The following RFX2 variants were observed in gnomAD, a reference collection of about 807,000 sequenced individuals.
The protein encoded by RFX2 is regulatory factor X2.
Under a neutral mutation model 87.8 loss-of-function variants are expected in RFX2, and 20 were observed. The ratio of observed to expected loss-of-function variants is 0.23; its 90% CI spans 0.16 to 0.33. RFX2 has a LOEUF of 0.33. Ranked by LOEUF, RFX2 falls within the 10% of genes least tolerant of loss-of-function variation. The probability of loss-of-function intolerance (pLI) is 1.00; values close to 1 mark genes in which losing one functional copy is unlikely to be tolerated. For synonymous variants in RFX2, 397 were observed against 431.3 expected (o/e 0.92, Z 0.98); for missense variants, 767 against 1,012.3 (o/e 0.76, Z 3.29).
chr19:6,072,263 T>C (rs930281066), intron 1 of RFX2: 2 of 152,318 alleles, frequency 1.3e-5, no homozygotes, highest in Admixed American at 1.3e-4. Context: ...AATTGCCACC[T>C]TTCAGACCTT....
Position 6,021,653 on chromosome 19 carries a change from G to A in RFX2, c.597+4510C>T, listed in dbSNP as rs2086812117. 6.6e-6 allele frequency among the ~76,000 whole-genome samples: 1 copy of A among 152,258 alleles called. No individual in the cohort carries two copies. Among genetic ancestry groups the A allele is most frequent in the Non-Finnish European group, 1.5e-5 (1 of 68,044 alleles). Reference sequence around the variant, plus strand: ...GCCCTGGGGCAGGTCCGAGCCTGGTGCATTGGAGGAATAGCGAGGAGGCCC... The same window carrying A: ...GCCCTGGGGCAGGTCCGAGCCTGGTACATTGGAGGAATAGCGAGGAGGCCC... On this transcript the variant is annotated intron_variant, in intron 6 of 17. Transcript: ENST00000303657. This position sits in a 1 kb window ranked among gnomAD's most constrained non-coding sequence, Gnocchi z 5.7.
At chr19:6,073,954 T>A (rs1017468020) in intron 1 of RFX2, among the ~76,000 whole-genome samples, 1 of 152,024 alleles carries the variant, frequency 6.6e-6, no homozygotes, top group African/African-American at 2.4e-5. Context: ...AAGTGGAAAG[T>A]GTGTGTCTCG....
rs745924126 is a variant in RFX2 at position 6,021,141 on chromosome 19, G to A, written c.598-4870C>T. The stretch of plus-strand genomic sequence containing the variant: ...ATTTGCCTGACACTGGCTCCTGGTG[G>A]TGAGTTAGAGTCTCACCGGGCCATA... On this transcript the variant is annotated intron_variant, in intron 6 of 17. Transcript: ENST00000303657. The surrounding 1 kb of genome is among the most constrained non-coding windows in gnomAD (Gnocchi z 5.7). Among the ~76,000 whole-genome samples, 1 of 152,192 alleles carries A rather than the reference G, an allele frequency of 6.6e-6. No homozygotes were observed. The highest frequency in any genetic ancestry group is 1.5e-5 in the Non-Finnish European group (1 of 68,038).
chr19:6,048,672 C>T (rs1437364245), intron 1 of RFX2, among the ~76,000 whole-genome samples: 1 of 152,168 alleles, frequency 6.6e-6, no homozygotes, highest in Non-Finnish European at 1.5e-5. Flanking sequence ...AGAACTTTTA[C>T]GTTTCTCTAT....
At chr19:6,003,700 A>G (rs1599840799) in intron 13 of RFX2, among the ~76,000 whole-genome samples, 1 of 144,364 alleles carries the variant, frequency 6.9e-6, no homozygotes, top group Non-Finnish European at 1.5e-5. Context: ...AATCGCTTGA[A>G]CCCGGGAGGC....
At chr19:6,102,845 C>T (rs1054731266) in intron 1 of RFX2, among the ~76,000 whole-genome samples, 17 of 152,192 alleles carry the variant, frequency 1.1e-4, no homozygotes, top group African/African-American at 4.1e-4. Context: ...CCTCTTATGG[C>T]CAGGCACAGT....
At chr19:6,041,756 C>G (rs1372967019) in intron 4 of RFX2, among the ~76,000 whole-genome samples, 3 of 151,720 alleles carry the variant, frequency 2.0e-5, no homozygotes, top group African/African-American at 7.3e-5. Context: ...CTCCATCAGT[C>G]AGGCGTGATC....
intron 1 of RFX2, among the ~76,000 whole-genome samples, chr19:6,081,415 A>G (rs539578175): frequency 2.6e-5 from 4 of 152,256 alleles, no homozygotes; most frequent in Non-Finnish European, 5.9e-5. Flanking sequence ...TTTATAAACA[A>G]ACCAAGTAAC....
At chr19:6,041,530 G>A (rs1037241023) in intron 4 of RFX2, among the ~76,000 whole-genome samples, 3 of 151,684 alleles carry the variant, frequency 2.0e-5, no homozygotes, top group African/African-American at 4.8e-5. Context: ...TAACAGAGGC[G>A]AGGGGAAAAC....
chr19:6,085,146 G>A (rs897973374), intron 1 of RFX2, among the ~76,000 whole-genome samples: 12 of 152,116 alleles, frequency 7.9e-5, no homozygotes, highest in Non-Finnish European at 1.5e-5. Flanking sequence ...TGTAAATCAT[G>A]CTGCTATGAA....
rs1328593351 is a variant in RFX2, at chr19:5,994,409, GT to G, written c.*425del. On this transcript the variant is annotated 3_prime_UTR_variant, in exon 18 of 18. Transcript: ENST00000303657. ...GGAGGGGAGAGGCCGTCCCTTTCTAGTCGGGCTCTGCCAGGTTTTTTTAATT... is the reference window on the plus strand; with the variant it reads ...GGAGGGGAGAGGCCGTCCCTTTCTAGCGGGCTCTGCCAGGTTTTTTTAATT... The G allele has an allele frequency of 6.4e-6, 1 of 157,348 alleles. No homozygotes were observed. The highest frequency in any genetic ancestry group is 1.4e-5 in the Non-Finnish European group (1 of 71,206). The allele number at this position is 157,348 out of a possible 1,614,324, so 9.7% of individuals were successfully genotyped here. A position where few individuals can be genotyped will look rare whatever the true frequency, so the allele number is the denominator to read the frequency against.
intron 5 of RFX2, among the ~76,000 whole-genome samples, chr19:6,031,677 G>A (rs889924454): frequency 2.0e-5 from 3 of 151,954 alleles, no homozygotes; most frequent in African/African-American, 2.4e-5. Context: ...TGATCCACCC[G>A]CCTTGGCCTC....
At position 5,999,886 on chromosome 19, in the gene RFX2, C is replaced by A. The variant is rs1029977080; in HGVS notation, c.1859+1929G>T. ...ATGTTCCAGGCAAGGGGGGCAGGTGCAAAGGCCCTGAGGCAGCGTGGCCAG... is the reference window on the plus strand; with the variant it reads ...ATGTTCCAGGCAAGGGGGGCAGGTGAAAAGGCCCTGAGGCAGCGTGGCCAG... On this transcript the variant is annotated intron_variant, in intron 15 of 17. Transcript: ENST00000303657. The surrounding 1 kb of genome is among the most constrained non-coding windows in gnomAD (Gnocchi z 4.1). Among the ~76,000 whole-genome samples the A allele has an allele frequency of 3.3e-5, 5 of 151,972 alleles. No individual in the cohort carries two copies. Among genetic ancestry groups the A allele is most frequent in the Non-Finnish European group, 2.9e-5 (2 of 68,004 alleles).
chr19:6,098,784 T>C (rs994400305), intron 1 of RFX2, among the ~76,000 whole-genome samples: 3 of 151,686 alleles, frequency 2.0e-5, no homozygotes, highest in African/African-American at 4.8e-5. Context: ...GCTGGGGAAA[T>C]AGATCTTTAA....
chr19:6,062,912 G>A (rs2087457653), intron 1 of RFX2, among the ~76,000 whole-genome samples: 1 of 151,526 alleles, frequency 6.6e-6, no homozygotes, highest in East Asian at 1.9e-4. Context: ...AAGATCTGGG[G>A]GTCGCTCCCT....
intron 3 of RFX2, among the ~76,000 whole-genome samples, chr19:6,042,644 T>C (rs2087127692): frequency 6.6e-6 from 1 of 152,192 alleles, no homozygotes; most frequent in African/African-American, 2.4e-5. Context: ...CTGGTGCCCC[T>C]TCCCTGGCAG....
At position 6,011,679 on chromosome 19, in the gene RFX2, T is replaced by G. The variant is rs539364089; in HGVS notation, c.899+1307A>C. On this transcript the variant is annotated intron_variant, in intron 8 of 17. Coordinates refer to ENST00000303657, the MANE Select transcript of RFX2 (RefSeq NM_000635.4). This position sits in a 1 kb window ranked among gnomAD's most constrained non-coding sequence, Gnocchi z 4.8. ...TGCAGACAACGAGGTACAGAAGGAA[T>G]GCTCTGGAAACTCTCTCCTGGAACC... Among the ~76,000 whole-genome samples, 5 of 152,332 alleles carry G rather than the reference T, an allele frequency of 3.3e-5. No homozygotes were observed.
Position 6,107,473 on chromosome 19 carries a change from C to T in RFX2, c.-9+2920G>A, listed in dbSNP as rs1298009928. 2.6e-5 allele frequency among the ~76,000 whole-genome samples: 4 copies of T among 151,480 alleles called. 1 individual carries two copies. The South Asian group carries it at 6.3e-4, about 24-fold the overall frequency. On this transcript the variant is annotated intron_variant, in intron 1 of 17. Coordinates refer to ENST00000303657, the MANE Select transcript of RFX2 (RefSeq NM_000635.4). ...CCCTACTAAAAATACAAAAATTAGC[C>T]GGGTGTGGGGGTGCATGCCTGTAAT...
rs1157870990 is a variant in RFX2, at chr19:6,101,203, GCTC to G, written c.-9+9187_-9+9189del. Among the ~76,000 whole-genome samples the G allele has an allele frequency of 6.6e-6, 1 of 152,196 alleles. No homozygotes were observed. The highest frequency in any genetic ancestry group is 1.5e-5 in the Non-Finnish European group (1 of 68,034). ...AAGAAATGGATGGAGACCCCAGAGA[GCTC>G]CTCACTGAAGTCCCTAGTAGGGTGA... On this transcript the variant is annotated intron_variant, in intron 1 of 17. Transcript: ENST00000303657. The surrounding 1 kb of genome is among the most constrained non-coding windows in gnomAD (Gnocchi z 4.9).
Sources: allele counts gnomAD v4.1 joint callset (sites outside exome capture counted in the v4.1 genomes callset), GRCh38; gene constraint gnomAD v4.1.1; non-coding constraint Gnocchi (gnomAD v3.1); transcripts MANE v1.5; gene names NCBI Gene and HGNC (gene_info 2026-07-23, HGNC 2026-07-21).